The following ZSCAN2 variants were observed in gnomAD, a reference collection of about 807,000 sequenced individuals.
The protein encoded by ZSCAN2 is zinc finger and SCAN domain-containing protein 2.
A neutral mutation model predicts 47.8 loss-of-function variants in ZSCAN2; 26 were observed. The observed-to-expected ratio is 0.54, with a 90% confidence interval of 0.40 to 0.75. The LOEUF is 0.75. Ranked by LOEUF, ZSCAN2 falls within the 30% of genes least tolerant of loss-of-function variation. The probability of loss-of-function intolerance (pLI) is 0.00; values close to 1 mark genes in which losing one functional copy is unlikely to be tolerated. For synonymous variants in ZSCAN2, 305 were observed against 288.7 expected (o/e 1.06, Z -0.57); for missense variants, 732 against 785.4 (o/e 0.93, Z 0.81).
At chr15:84,601,282 C>T (rs1262190044) in intron 1 of ZSCAN2, 147 bp downstream of exon 1, 1 of 152,294 alleles carries the variant, frequency 6.6e-6, no homozygotes, top group African/African-American at 2.4e-5. Context: ...CCCTGCAGCC[C>T]CGATTTACGC....
At chr15:84,610,582 G>A (rs1729868006) in intron 2 of ZSCAN2, among the ~76,000 whole-genome samples, 1 of 151,138 alleles carries the variant, frequency 6.6e-6, no homozygotes, top group Non-Finnish European at 1.5e-5. Context: ...CACCTCCAGG[G>A]TTCAAGTGAT....
Position 84,617,864 on chromosome 15 carries a change from C to T in ZSCAN2, c.407-2738C>T, listed in dbSNP as rs28667361. On this transcript the variant is annotated intron_variant, in intron 2 of 2. Coordinates refer to ENST00000546148, the MANE Select transcript of ZSCAN2 (RefSeq NM_181877.4). The stretch of plus-strand genomic sequence containing the variant: ...CTAAGGTGGGAGCGTCACCTGAGCC[C>T]AGGAAGTTGAGGCTACAGTGAGCTG... Among the ~76,000 whole-genome samples, 654 of 152,166 alleles carry T rather than the reference C, an allele frequency of 4.3e-3. 4 individuals are homozygous for T. The highest frequency in any genetic ancestry group is 0.011 in the African/African-American group (457 of 41,528).
At chr15:84,606,663 G>A in intron 2 of ZSCAN2, 1 of 1,591,400 alleles carries the variant, frequency 6.3e-7, no homozygotes, top group Non-Finnish European at 8.5e-7. Context: ...TGGTTGGGGA[G>A]GCACAGAGCA....
chr15:84,613,245 A>C (rs1274006417), intron 2 of ZSCAN2, among the ~76,000 whole-genome samples: 1 of 152,106 alleles, frequency 6.6e-6, no homozygotes, highest in Non-Finnish European at 1.5e-5. Flanking sequence ...TATCTATTGA[A>C]TCTATTTCTG....
At position 84,622,262 on chromosome 15, in the gene ZSCAN2, A is replaced by G; in HGVS notation, c.*222A>G. On this transcript the variant is annotated 3_prime_UTR_variant, in exon 3 of 3. Transcript: ENST00000546148. ...GGGCATAGGCGTGGAAGGTCTGGAAAGTTGGGTCTTTTTCCCTTACATTGG... is the reference window on the plus strand; with the variant it reads ...GGGCATAGGCGTGGAAGGTCTGGAAGGTTGGGTCTTTTTCCCTTACATTGG... The G allele has an allele frequency of 1.7e-6, 1 of 580,646 alleles. No homozygotes were observed. Among genetic ancestry groups the G allele is most frequent in the Non-Finnish European group, 3.1e-6 (1 of 322,786 alleles). The allele number at this position is 580,646 out of a possible 1,614,324, so 36.0% of individuals were successfully genotyped here. A position where few individuals can be genotyped will look rare whatever the true frequency, so the allele number is the denominator to read the frequency against.
At chr15:84,606,371 G>A in intron 2 of ZSCAN2, 2 of 642,950 alleles carry the variant, frequency 3.1e-6, no homozygotes, top group South Asian at 1.7e-5. Flanking sequence ...CATGGCTGTT[G>A]AGTGGTGGAG....
intron 1 of ZSCAN2, among the ~76,000 whole-genome samples, chr15:84,602,633 G>T (rs1388094185): frequency 3.7e-5 from 5 of 133,996 alleles, no homozygotes; most frequent in African/African-American, 1.1e-4. Context: ...CTTTCGCCCA[G>T]ACTGGAGTGC....
At chr15:84,601,837 C>T (rs1377645484) in intron 1 of ZSCAN2, 3 of 152,012 alleles carry the variant, frequency 2.0e-5, no homozygotes, top group Non-Finnish European at 4.4e-5. Flanking sequence ...TGAGCTACAG[C>T]GCTTGGGCTA....
chr15:84,613,495 A>G (rs1335728570), intron 2 of ZSCAN2, among the ~76,000 whole-genome samples: 1 of 151,582 alleles, frequency 6.6e-6, no homozygotes, highest in Non-Finnish European at 1.5e-5. Context: ...TAATTTTTGT[A>G]TGGGGTTTCA....
Position 84,622,140 on chromosome 15 carries a change from TG to T in ZSCAN2, c.*106del, listed in dbSNP as rs1567013943. The T allele has an allele frequency of 3.5e-6, 4 of 1,131,784 alleles. No individual in the cohort carries two copies. Among genetic ancestry groups the T allele is most frequent in the Non-Finnish European group, 3.8e-6 (3 of 786,226 alleles). 70.1% of individuals were successfully genotyped at this position (1,131,784 alleles called of 1,614,324 possible). On this transcript the variant is annotated 3_prime_UTR_variant, in exon 3 of 3. Coordinates refer to ENST00000546148, the MANE Select transcript of ZSCAN2 (RefSeq NM_181877.4). ...AAAGAGCTGTGCTTCCTAAACATTCTGGGGGGTTTTGCCAGAGTCTTCCCCT... is the reference window on the plus strand; with the variant it reads ...AAAGAGCTGTGCTTCCTAAACATTCTGGGGGTTTTGCCAGAGTCTTCCCCT...
At position 84,620,857 on chromosome 15, in the gene ZSCAN2, C is replaced by T. The variant is rs1047487213; in HGVS notation, c.662C>T (p.Pro221Leu). 3 of 1,614,062 alleles carry T rather than the reference C, an allele frequency of 1.9e-6. No individual in the cohort carries two copies. The African/African-American group carries it at 4.0e-5, about 22-fold the overall frequency. Residue 221 changes from proline to leucine, a missense_variant, in exon 3 of 3, where the codon CCC (proline) becomes CTC (leucine). Coordinates refer to ENST00000546148, the MANE Select transcript of ZSCAN2 (RefSeq NM_181877.4). Reference sequence around the variant, plus strand: ...CAGGGCACCTACCTAGGGGAGAAGCCCTACGAATGTCCCCAGTGTGGGAAG... The same window carrying T: ...CAGGGCACCTACCTAGGGGAGAAGCTCTACGAATGTCCCCAGTGTGGGAAG... ...GLQGTYLGEK[P>L]YECPQCGKTF...
At position 84,622,691 on chromosome 15, in the gene ZSCAN2, AGT is replaced by A. The variant is rs1292587174; in HGVS notation, c.*654_*655del. ...ACTTGAGGAAGTACAGCCTGGAGCC[AGT>A]GTCCCAGTGTCCTTTCCATTGGTAA... On this transcript the variant is annotated 3_prime_UTR_variant, in exon 3 of 3. Transcript: ENST00000546148. 3 of 717,018 alleles carry A rather than the reference AGT, an allele frequency of 4.2e-6. No homozygotes were observed. The African/African-American group carries it at 5.2e-5, about 13-fold the overall frequency. The allele number at this position is 717,018 out of a possible 1,614,324, so 44.4% of individuals were successfully genotyped here.
chr15:84,606,664 G>A lies in ZSCAN2; in HGVS notation c.406+2331G>A, dbSNP rs2141764491. On this transcript the variant is annotated intron_variant, in intron 2 of 2. Coordinates refer to ENST00000546148, the MANE Select transcript of ZSCAN2 (RefSeq NM_181877.4). The stretch of plus-strand genomic sequence containing the variant: ...CTCAGGTTGTTATTTGGTTGGGGAG[G>A]CACAGAGCAGAGGTTCAGGTCTCAG... The A allele has an allele frequency of 2.5e-5, 40 of 1,588,210 alleles. No homozygotes were observed. The South Asian group carries it at 3.8e-4, about 15-fold the overall frequency.
chr15:84,619,259 G>A (rs866518997), intron 2 of ZSCAN2, among the ~76,000 whole-genome samples: 78 of 152,112 alleles, frequency 5.1e-4, no homozygotes, highest in Non-Finnish European at 8.8e-4. Context: ...GTGAAACCCC[G>A]TCTCTCTAAA....
At chr15:84,614,682 C>G (rs1035569731) in intron 2 of ZSCAN2, 2 of 144,392 alleles carry the variant, frequency 1.4e-5, no homozygotes, top group Non-Finnish European at 3.1e-5. Context: ...TGCAGTGGCG[C>G]GATCTCAGCT....
intron 2 of ZSCAN2, chr15:84,606,306 G>C: frequency 2.0e-6 from 1 of 495,130 alleles, no homozygotes; most frequent in Non-Finnish European, 3.7e-6. Flanking sequence ...TAAGAATCCT[G>C]TGAGTGGCTG....
At chr15:84,615,507 T>G (rs1231511445) in intron 2 of ZSCAN2, among the ~76,000 whole-genome samples, 1 of 152,130 alleles carries the variant, frequency 6.6e-6, no homozygotes, top group African/African-American at 2.4e-5. Context: ...ATTTTTGTAT[T>G]TTTTGTAGAG....
rs141573395 is a variant in ZSCAN2, at chr15:84,621,801, G to A, written c.1606G>A (p.Gly536Ser). 49 of 1,614,210 alleles carry A rather than the reference G, an allele frequency of 3.0e-5. No homozygotes were observed. The highest frequency in any genetic ancestry group is 2.0e-4 in the East Asian group (9 of 44,882). The change falls in exon 3 of 3, where the codon GGC (glycine) becomes AGC (serine). Residue 536 changes from glycine (G) to serine (S), a missense_variant. Physicochemically the swap from Gly to Ser is moderately conservative, Grantham distance 56 (BLOSUM62 0). Around this residue, in one of 2 missense-constraint regions of ZSCAN2, gnomAD observed 412 missense variants for 498.0 expected, o/e 0.83. Transcript: ENST00000546148. The surrounding 1 kb of genome is among the most constrained non-coding windows in gnomAD (Gnocchi z 5.7). ...GEKPYKCLMC[G>S]KSFSRGSILV... ...GAAGCCCTACAAATGCCTCATGTGC[G>A]GCAAGAGCTTCAGCCGGGGCTCCAT...
chr15:84,620,267 A>G (rs962326487), intron 2 of ZSCAN2, among the ~76,000 whole-genome samples: 3 of 152,166 alleles, frequency 2.0e-5, no homozygotes, highest in African/African-American at 7.2e-5. Flanking sequence ...TGCAAAAGAT[A>G]TGATCTCATT....
Sources: allele counts gnomAD v4.1 joint callset (sites outside exome capture counted in the v4.1 genomes callset), GRCh38; gene constraint gnomAD v4.1.1; regional missense constraint gnomAD v4.1.1; non-coding constraint Gnocchi (gnomAD v3.1); transcripts MANE v1.5; gene names NCBI Gene and HGNC (gene_info 2026-07-23, HGNC 2026-07-21).